The following SGO2 variants were observed in gnomAD, a reference collection of about 807,000 sequenced individuals.
SGO2 encodes the protein shugoshin 2, also known as shugoshin-like 2.
SGO2 carries 68 observed loss-of-function variants against 99.5 expected under a neutral mutation model. That is an observed-to-expected ratio of 0.68 (90% confidence interval 0.56 to 0.84). The LOEUF (loss-of-function observed/expected upper bound fraction) is 0.84. SGO2 is among the 40% of genes least tolerant of loss of function. SGO2 has a pLI of 0.00. For missense variants in SGO2, 1,350 were observed against 1,436.7 expected, an observed-to-expected ratio of 0.94 and a Z score of 0.97; for synonymous variants, 457 against 487.1, an observed-to-expected ratio of 0.94 and a Z score of 0.81.
chr2:200,539,006 A>G (rs531934345), intron 4 of SGO2, among the ~76,000 whole-genome samples: 48 of 152,226 alleles, frequency 3.2e-4, no homozygotes, highest in African/African-American at 1.1e-3. Flanking sequence ...TAAAAATGTT[A>G]TATATACTAA....
intron 8 of SGO2, among the ~76,000 whole-genome samples, chr2:200,579,647 C>T (rs1437660332): frequency 6.6e-6 from 1 of 152,180 alleles, no homozygotes; most frequent in Admixed American, 6.5e-5. Context: ...CATGTATTAA[C>T]ATGGCATCTG....
intron 5 of SGO2, among the ~76,000 whole-genome samples, chr2:200,564,754 T>G (rs1318395814): frequency 2.6e-5 from 4 of 152,124 alleles, no homozygotes; most frequent in East Asian, 1.9e-4. Flanking sequence ...CCTGTATTGG[T>G]TGCATATATA....
In SGO2 at chr2:200,572,652, T is replaced by C. The variant is rs766835333; in HGVS notation, c.2306T>C (p.Leu769Pro). Residue 769 changes from leucine (L) to proline (P), a missense_variant, in exon 7 of 9, where the codon CTT (leucine) becomes CCT (proline). Coordinates refer to ENST00000357799, the MANE Select transcript of SGO2 (RefSeq NM_152524.6). The stretch of plus-strand genomic sequence containing the variant: ...CCAAGTGAGTTTGAAACACCTGCTC[T>C]TTCTACCAAAGATAGTGGAAACCTG... ...EDPSEFETPA[L>P]STKDSGNLYD... The C allele has an allele frequency of 1.2e-6, 2 of 1,612,148 alleles. No homozygotes were observed. Among genetic ancestry groups the C allele is most frequent in the East Asian group, 2.2e-5 (1 of 44,850 alleles).
intron 6 of SGO2, 55 bp downstream of exon 6, chr2:200,569,947 A>C: frequency 8.5e-7 from 1 of 1,181,790 alleles, no homozygotes; most frequent in Non-Finnish European, 1.2e-6. Flanking sequence ...CATTCATCAG[A>C]TGTTCTTCCT....
chr2:200,546,353 GAAAAAAAAAAAAA>G (rs772361302), intron 5 of SGO2, among the ~76,000 whole-genome samples: 7 of 42,248 alleles, frequency 1.7e-4, no homozygotes, highest in African/African-American at 6.1e-4. Flanking sequence ...ACTCCATCTG[GAAAAAAAAAAAAA>G]AAAAAAAAAA....
At chr2:200,574,353 G>A (rs575006158) in intron 7 of SGO2, among the ~76,000 whole-genome samples, 2 of 152,078 alleles carry the variant, frequency 1.3e-5, no homozygotes, top group South Asian at 4.1e-4. Context: ...CATGTTTCTT[G>A]AGAGTGAGAC....
chr2:200,551,153 T>C lies in SGO2; in HGVS notation c.473+8489T>C, dbSNP rs564599550. 6.8e-4 allele frequency among the ~76,000 whole-genome samples: 104 copies of C among 152,082 alleles called. 1 individual carries two copies. Among genetic ancestry groups the C allele is most frequent in the African/African-American group, 2.4e-3 (101 of 41,504 alleles). ...GTATATATCCAAAAAAAAAGGAAATTAGTGTATCAAAGAGCTGTCTGCACT... is the reference window on the plus strand; with the variant it reads ...GTATATATCCAAAAAAAAAGGAAATCAGTGTATCAAAGAGCTGTCTGCACT... On this transcript the variant is annotated intron_variant, in intron 5 of 8. Coordinates refer to ENST00000357799, the MANE Select transcript of SGO2 (RefSeq NM_152524.6).
At chr2:200,527,015 A>T (rs184904635) in intron 1 of SGO2, among the ~76,000 whole-genome samples, 4 of 152,186 alleles carry the variant, frequency 2.6e-5, no homozygotes, top group African/African-American at 9.7e-5. Context: ...TTGAGATCAC[A>T]TAGCTATGAA....
intron 5 of SGO2, among the ~76,000 whole-genome samples, chr2:200,568,684 CTT>C (rs775797762): frequency 1.4e-4 from 22 of 152,102 alleles, no homozygotes; most frequent in Non-Finnish European, 2.9e-4. Flanking sequence ...AGGTTTCCAA[CTT>C]TTTTTGAATG....
Position 200,572,808 on chromosome 2 carries a change from AAACC to A in SGO2, c.2469_2472del (p.Asn823LysfsTer13). On this transcript the variant is annotated frameshift_variant, in exon 7 of 9. Coordinates refer to ENST00000357799, the MANE Select transcript of SGO2 (RefSeq NM_152524.6). LOFTEE classifies it high-confidence loss of function. Reference sequence around the variant, plus strand: ...TGTCAAAAGTCAGAAATAATTCCTGAAACCAACCAAATATATGAGAATGATAACA... The same window carrying A: ...TGTCAAAAGTCAGAAATAATTCCTGAAACCAAATATATGAGAATGATAACA... 6.2e-7 allele frequency: 1 copy of A among 1,612,438 alleles called. No homozygotes were observed.
chr2:200,537,715 T>C (rs772668206), intron 4 of SGO2, among the ~76,000 whole-genome samples: 1 of 152,146 alleles, frequency 6.6e-6, no homozygotes, highest in Non-Finnish European at 1.5e-5. Context: ...ATGGTTTTAA[T>C]TACTGCTATA....
intron 8 of SGO2, among the ~76,000 whole-genome samples, chr2:200,581,848 T>G (rs1484191077): frequency 6.6e-6 from 1 of 152,228 alleles, no homozygotes; most frequent in Non-Finnish European, 1.5e-5. Flanking sequence ...TTACAGCATT[T>G]TGCTGTGTTT....
rs1185376497 is a variant in SGO2 at position 200,571,379 on chromosome 2, A to G, written c.1033A>G (p.Met345Val). The change falls in exon 7 of 9, where the codon ATG becomes GTG. Residue 345 changes from methionine to valine, a missense_variant. By Grantham distance (21) the Met-to-Val change is conservative. Coordinates refer to ENST00000357799, the MANE Select transcript of SGO2 (RefSeq NM_152524.6). The stretch of plus-strand genomic sequence containing the variant: ...TGCCAGAGAACCTAATGCAGAGTGC[A>G]TGAATCAAATTGAGGATAATGATGA... Reference protein sequence around the residue: ...ESAREPNAECMNQIEDNDDFQ... With the variant: ...ESAREPNAECVNQIEDNDDFQ... 6 of 1,611,244 alleles carry G rather than the reference A, an allele frequency of 3.7e-6. No individual in the cohort carries two copies. In the African/African-American group the frequency reaches 8.0e-5, roughly 22 times the overall value.
chr2:200,529,745 C>G (rs974007843), intron 1 of SGO2, among the ~76,000 whole-genome samples: 1 of 152,124 alleles, frequency 6.6e-6, no homozygotes, highest in Admixed American at 6.5e-5. Flanking sequence ...CTGGGCTGGT[C>G]TCGAACTCCT....
chr2:200,561,880 T>G (rs1343747165), intron 5 of SGO2, among the ~76,000 whole-genome samples: 1 of 152,246 alleles, frequency 6.6e-6, no homozygotes, highest in Non-Finnish European at 1.5e-5. Context: ...TCTGTTATCC[T>G]TCACCCACTT....
intron 5 of SGO2, among the ~76,000 whole-genome samples, chr2:200,544,219 A>G (rs1367946077): frequency 6.6e-6 from 1 of 152,206 alleles, no homozygotes; most frequent in Non-Finnish European, 1.5e-5. Context: ...ATAGTATTCA[A>G]TTGTATGATT....
At chr2:200,566,420 G>A (rs552739690) in intron 5 of SGO2, among the ~76,000 whole-genome samples, 2 of 152,276 alleles carry the variant, frequency 1.3e-5, no homozygotes, top group African/African-American at 2.4e-5. Flanking sequence ...CTGTCTGATC[G>A]TTCCTCTGGA....
chr2:200,569,174 T>C (rs192400270), intron 5 of SGO2, among the ~76,000 whole-genome samples: 1 of 152,192 alleles, frequency 6.6e-6, no homozygotes, highest in East Asian at 1.9e-4. Context: ...TTTCTTCCCA[T>C]AGATTTAATT....
At chr2:200,544,626 A>G (rs1421708197) in intron 5 of SGO2, among the ~76,000 whole-genome samples, 1 of 152,170 alleles carries the variant, frequency 6.6e-6, no homozygotes, top group Non-Finnish European at 1.5e-5. Context: ...TGCCACATAT[A>G]TGCCTTTTGA....
Sources: gnomAD v4.1 joint callset for allele counts (sites outside exome capture counted in the v4.1 genomes callset) on GRCh38, gnomAD v4.1.1 for gene constraint, MANE v1.5 for transcripts, NCBI Gene and HGNC (gene_info 2026-07-23, HGNC 2026-07-21) for gene names.